The following PDGFD variants were observed in gnomAD, a reference collection of about 807,000 sequenced individuals.
PDGFD encodes the protein platelet derived growth factor D.
A neutral mutation model predicts 44.7 loss-of-function variants in PDGFD; 30 were observed. The ratio of observed to expected loss-of-function variants is 0.67; its 90% CI spans 0.50 to 0.91. PDGFD has a LOEUF of 0.91. Among genes scored for constraint, PDGFD ranks in the 40% least tolerant of loss-of-function variants. The pLI is 0.00. For missense variants in PDGFD, 445 were observed against 457.8 expected, an observed-to-expected ratio of 0.97 and a Z score of 0.25; for synonymous variants, 173 against 168.4, an observed-to-expected ratio of 1.03 and a Z score of -0.21.
At chr11:104,130,658 T>A (rs1168390093) in intron 1 of PDGFD, among the ~76,000 whole-genome samples, 1 of 152,192 alleles carries the variant, frequency 6.6e-6, no homozygotes, top group African/African-American at 2.4e-5. Flanking sequence ...GACTTTGACT[T>A]TGCTCTTCTT....
intron 1 of PDGFD, among the ~76,000 whole-genome samples, chr11:104,153,430 ATGAG>A (rs1420651189): frequency 1.3e-5 from 2 of 152,216 alleles, no homozygotes; most frequent in Non-Finnish European, 2.9e-5. Flanking sequence ...ATGTAAATAA[ATGAG>A]TAACATTGCA....
At chr11:103,983,972 C>T (rs1267552493) in intron 3 of PDGFD, among the ~76,000 whole-genome samples, 1 of 151,556 alleles carries the variant, frequency 6.6e-6, no homozygotes, top group African/African-American at 2.4e-5. Context: ...TAAATCAGTT[C>T]AGCCATGGCA....
intron 1 of PDGFD, chr11:104,038,345 C>A: frequency 4.2e-6 from 1 of 235,504 alleles, no homozygotes. Context: ...CAAATCATTG[C>A]TATTTTGCAG....
At chr11:104,076,106 G>C (rs914636240) in intron 1 of PDGFD, among the ~76,000 whole-genome samples, 2 of 152,068 alleles carry the variant, frequency 1.3e-5, no homozygotes, top group African/African-American at 4.8e-5. Context: ...TTTATAAGGG[G>C]CTCTTTCCCT....
chr11:104,108,552 C>T (rs1463406856), intron 1 of PDGFD, among the ~76,000 whole-genome samples: 1 of 152,152 alleles, frequency 6.6e-6, no homozygotes, highest in Admixed American at 6.5e-5. Flanking sequence ...CAGGAAACAA[C>T]AGGTGCTGGA....
At chr11:104,147,702 T>C (rs2119894643) in intron 1 of PDGFD, among the ~76,000 whole-genome samples, 2 of 152,202 alleles carry the variant, frequency 1.3e-5, no homozygotes, top group Middle Eastern at 3.4e-3. Flanking sequence ...TCCAAGGAGA[T>C]ATGGGTGACA....
intron 1 of PDGFD, among the ~76,000 whole-genome samples, chr11:104,073,063 C>T (rs1361222789): frequency 6.6e-6 from 1 of 151,924 alleles, no homozygotes; most frequent in South Asian, 2.1e-4. Flanking sequence ...TTTGTACATT[C>T]TACATCTAAA....
intron 3 of PDGFD, among the ~76,000 whole-genome samples, chr11:103,964,819 C>T (rs1416420411): frequency 6.6e-6 from 1 of 151,842 alleles, no homozygotes; most frequent in Non-Finnish European, 1.5e-5. Context: ...AATCCAAGTG[C>T]TACTTCAAAA....
At chr11:104,060,977 T>C (rs1023618237) in intron 1 of PDGFD, among the ~76,000 whole-genome samples, 7 of 152,128 alleles carry the variant, frequency 4.6e-5, no homozygotes, top group Non-Finnish European at 2.9e-5. Flanking sequence ...AAACAGAAAC[T>C]CTACAACCAC....
chr11:104,084,132 C>T (rs1861086107), intron 1 of PDGFD, among the ~76,000 whole-genome samples: 1 of 152,144 alleles, frequency 6.6e-6, no homozygotes, highest in Admixed American at 6.6e-5. Flanking sequence ...AAGTATGCTT[C>T]TATGCATTGG....
intron 6 of PDGFD, among the ~76,000 whole-genome samples, chr11:103,918,065 G>C (rs914597575): frequency 6.6e-6 from 1 of 152,236 alleles, no homozygotes; most frequent in Admixed American, 6.5e-5. Context: ...GGAAGATGGA[G>C]ATCTGTTTGT....
At chr11:103,915,929 A>G (rs901530790) in intron 6 of PDGFD, among the ~76,000 whole-genome samples, 1 of 152,372 alleles carries the variant, frequency 6.6e-6, no homozygotes, top group Non-Finnish European at 1.5e-5. Flanking sequence ...TACACCTTAT[A>G]CAAAAGTTAA....
intron 2 of PDGFD, among the ~76,000 whole-genome samples, chr11:103,996,833 T>C (rs964366778): frequency 6.6e-6 from 1 of 152,340 alleles, no homozygotes; most frequent in South Asian, 2.1e-4. Flanking sequence ...GGAAAGCATG[T>C]AACTTTAAGG....
intron 5 of PDGFD, among the ~76,000 whole-genome samples, chr11:103,940,704 A>T (rs1858569676): frequency 6.6e-6 from 1 of 152,184 alleles, no homozygotes; most frequent in African/African-American, 2.4e-5. Context: ...CATCAATGGA[A>T]TGATAAATAA....
chr11:104,096,315 T>C (rs1861287350), intron 1 of PDGFD, among the ~76,000 whole-genome samples: 1 of 152,086 alleles, frequency 6.6e-6, no homozygotes, highest in Non-Finnish European at 1.5e-5. Flanking sequence ...TTAGGTATTG[T>C]TCAAAATATC....
At chr11:104,095,647 A>G (rs1475962396) in intron 1 of PDGFD, among the ~76,000 whole-genome samples, 4 of 152,278 alleles carry the variant, frequency 2.6e-5, no homozygotes, top group African/African-American at 7.2e-5. Flanking sequence ...GATGAAGCAC[A>G]TTCAATATGT....
intron 1 of PDGFD, among the ~76,000 whole-genome samples, chr11:104,006,139 A>T (rs11226110): frequency 8.5e-4 from 130 of 152,208 alleles, no homozygotes; most frequent in African/African-American, 2.7e-3. Flanking sequence ...ATCTAGACCA[A>T]TGGTTTGCTA....
At chr11:103,968,213 T>C (rs925576892) in intron 3 of PDGFD, among the ~76,000 whole-genome samples, 5 of 152,180 alleles carry the variant, frequency 3.3e-5, no homozygotes, top group African/African-American at 4.8e-5. Flanking sequence ...ATTGTCAGCA[T>C]TTCCCAGCAC....
chr11:104,141,688 T>C (rs1265693854), intron 1 of PDGFD, among the ~76,000 whole-genome samples: 1 of 152,052 alleles, frequency 6.6e-6, no homozygotes, highest in Admixed American at 6.6e-5. Flanking sequence ...CATGTCCCTA[T>C]ATGAGTGAAG....
Sources: allele counts gnomAD v4.1 joint callset (sites outside exome capture counted in the v4.1 genomes callset), GRCh38; gene constraint gnomAD v4.1.1; transcripts MANE v1.5; gene names NCBI Gene and HGNC (gene_info 2026-07-23, HGNC 2026-07-21).